Variants in LYPD6 observed in about 807,000 individuals in gnomAD.
LYPD6 encodes the protein LY6/PLAUR domain containing 6, also known as ly6/PLAUR domain-containing protein 6.
Under a neutral mutation model 22.7 loss-of-function variants are expected in LYPD6, and 15 were observed. That is an observed-to-expected ratio of 0.66 (90% CI 0.44 to 1.02). The LOEUF (loss-of-function observed/expected upper bound fraction) is 1.02, where lower values mean the gene tolerates loss of function less well. Among genes scored for constraint, LYPD6 ranks in the 50% least tolerant of loss-of-function variants. LYPD6 has a pLI of 0.00. For synonymous variants in LYPD6, 72 were observed against 77.5 expected (o/e 0.93, Z 0.37); for missense variants, 189 against 208.4 (o/e 0.91, Z 0.57).
At chr2:149,462,366 A>G (rs985748343) in intron 3 of LYPD6, among the ~76,000 whole-genome samples, 1 of 151,940 alleles carries the variant, frequency 6.6e-6, no homozygotes, top group Non-Finnish European at 1.5e-5. Context: ...TCTAAGCAAA[A>G]CATGTATAGG....
chr2:149,410,314 G>A (rs543506542), intron 1 of LYPD6, among the ~76,000 whole-genome samples: 1 of 152,130 alleles, frequency 6.6e-6, no homozygotes, highest in Non-Finnish European at 1.5e-5. Context: ...ACATGCTGGT[G>A]GTTTGTGCCA....
intron 1 of LYPD6, among the ~76,000 whole-genome samples, chr2:149,417,004 C>T (rs1682978782): frequency 6.6e-6 from 1 of 152,118 alleles, no homozygotes; most frequent in Non-Finnish European, 1.5e-5. Context: ...GCCTATGGAC[C>T]AGCCAGTCCA....
At chr2:149,444,573 A>T (rs1683640400) in intron 2 of LYPD6, among the ~76,000 whole-genome samples, 1 of 152,200 alleles carries the variant, frequency 6.6e-6, no homozygotes, top group Admixed American at 6.5e-5. Context: ...CAACAGTTCT[A>T]TGATGTTCTA....
intron 1 of LYPD6, among the ~76,000 whole-genome samples, chr2:149,364,538 A>G (rs1322795568): frequency 6.7e-6 from 1 of 149,506 alleles, no homozygotes; most frequent in Non-Finnish European, 1.5e-5. Flanking sequence ...GGATTTACAG[A>G]GTACAATTTT....
intron 1 of LYPD6, among the ~76,000 whole-genome samples, chr2:149,413,881 G>A (rs970624308): frequency 1.9e-4 from 29 of 152,272 alleles, no homozygotes; most frequent in Admixed American, 7.2e-4. Flanking sequence ...GGGTCCATCC[G>A]CATTCTGCAC....
intron 1 of LYPD6, among the ~76,000 whole-genome samples, chr2:149,401,568 C>G (rs1011446238): frequency 6.6e-6 from 1 of 152,156 alleles, no homozygotes; most frequent in Non-Finnish European, 1.5e-5. Flanking sequence ...TATTCCCTGT[C>G]TTTTTCCACA....
intron 1 of LYPD6, among the ~76,000 whole-genome samples, chr2:149,404,147 G>A (rs990329139): frequency 6.6e-6 from 1 of 152,070 alleles, no homozygotes; most frequent in African/African-American, 2.4e-5. Context: ...CTTGTAGTAT[G>A]GTTTGAAGTC....
intron 1 of LYPD6, among the ~76,000 whole-genome samples, chr2:149,412,481 A>AT (rs60105266): frequency 0.32 from 49,173 of 151,472 alleles, 10,718 homozygotes; most frequent in African/African-American, 0.63. Flanking sequence ...ATTTTTGTTA[A>AT]TTTTTTTTAA....
chr2:149,417,113 C>G (rs1034250702), intron 1 of LYPD6, among the ~76,000 whole-genome samples: 3 of 152,130 alleles, frequency 2.0e-5, no homozygotes. Flanking sequence ...TGGGTAGTTC[C>G]AGATTCAGGA....
downstream of LYPD6, among the ~76,000 whole-genome samples, chr2:149,475,141 G>A (rs1026525419): frequency 1.3e-5 from 2 of 152,158 alleles, no homozygotes; most frequent in East Asian, 1.9e-4. Flanking sequence ...CTCTATAAAA[G>A]TTAGAAGTGG....
chr2:149,396,455 C>G (rs1201848878), intron 1 of LYPD6, among the ~76,000 whole-genome samples: 2 of 152,110 alleles, frequency 1.3e-5, no homozygotes, highest in East Asian at 3.9e-4. Context: ...TGAAGTTTGC[C>G]TCTTATTTCA....
At chr2:149,382,408 A>G (rs1472985986) in intron 1 of LYPD6, among the ~76,000 whole-genome samples, 1 of 152,176 alleles carries the variant, frequency 6.6e-6, no homozygotes, top group Non-Finnish European at 1.5e-5. Flanking sequence ...TTCCTATTGT[A>G]TTAGAAGTCA....
chr2:149,391,897 A>G (rs776324494), intron 1 of LYPD6, among the ~76,000 whole-genome samples: 2 of 152,236 alleles, frequency 1.3e-5, no homozygotes, highest in African/African-American at 2.4e-5. Context: ...CCAGAAACAA[A>G]GCAGGGGGAA....
At chr2:149,477,027 A>G (rs1039881528), downstream of LYPD6, among the ~76,000 whole-genome samples, 2 of 152,204 alleles carry the variant, frequency 1.3e-5, no homozygotes, top group Non-Finnish European at 2.9e-5. Context: ...AGTAGATGTC[A>G]GTGGTGGGAG....
intron 1 of LYPD6, among the ~76,000 whole-genome samples, chr2:149,410,113 A>G (rs1682820224): frequency 6.6e-6 from 1 of 152,222 alleles, no homozygotes. Context: ...CTTGGCATAT[A>G]GTAGGTGCTC....
chr2:149,447,848 A>G (rs1458345133), intron 2 of LYPD6, among the ~76,000 whole-genome samples: 4 of 152,238 alleles, frequency 2.6e-5, no homozygotes, highest in African/African-American at 9.6e-5. Flanking sequence ...AGGACATAGT[A>G]CATGATGCTG....
chr2:149,344,606 T>C (rs1185724191), intron 1 of LYPD6, among the ~76,000 whole-genome samples: 2 of 152,240 alleles, frequency 1.3e-5, no homozygotes, highest in Non-Finnish European at 2.9e-5. Flanking sequence ...TATTCTTCCC[T>C]TCATCTTTAG....
chr2:149,356,538 T>C (rs1176545966), intron 1 of LYPD6, among the ~76,000 whole-genome samples: 2 of 152,212 alleles, frequency 1.3e-5, no homozygotes, highest in African/African-American at 4.8e-5. Context: ...CCATTTCTTT[T>C]AATGATTTGG....
chr2:149,375,485 C>T (rs974993497), intron 1 of LYPD6, among the ~76,000 whole-genome samples: 2 of 152,158 alleles, frequency 1.3e-5, no homozygotes, highest in Admixed American at 1.3e-4. Flanking sequence ...AAATAAAGCT[C>T]AGCAAGTTCT....
Sources: gnomAD v4.1 joint callset for allele counts (sites outside exome capture counted in the v4.1 genomes callset) on GRCh38, gnomAD v4.1.1 for gene constraint, MANE v1.5 for transcripts, NCBI Gene and HGNC (gene_info 2026-07-23, HGNC 2026-07-21) for gene names.